Variants in RAB11B observed in about 807,000 individuals in gnomAD.
The protein encoded by RAB11B is RAB11B, member RAS oncogene family.
In RAB11B, 7 loss-of-function variants were observed where a neutral mutation model predicts 23.7. The observed-to-expected ratio is 0.29, with a 90% CI of 0.17 to 0.55. The LOEUF (loss-of-function observed/expected upper bound fraction) is 0.55, where lower values mean the gene tolerates loss of function less well. RAB11B is among the 20% of genes least tolerant of loss of function. RAB11B has a pLI of 0.93. For missense variants in RAB11B, 189 were observed against 320.0 expected (o/e 0.59, Z 3.12); for synonymous variants, 138 against 132.0 (o/e 1.05, Z -0.31).
intron 1 of RAB11B, among the ~76,000 whole-genome samples, chr19:8,397,791 G>A (rs532435940): frequency 1.3e-5 from 2 of 152,140 alleles, no homozygotes; most frequent in South Asian, 2.1e-4. Context: ...CTCTGGGTCA[G>A]CCAGGGCTCA....
intron 1 of RAB11B, among the ~76,000 whole-genome samples, chr19:8,399,039 G>A (rs990740578): frequency 2.0e-5 from 3 of 151,170 alleles, no homozygotes; most frequent in African/African-American, 7.3e-5. Context: ...TGCAAGCTCC[G>A]CCTCCCGGAT....
At chr19:8,402,612 G>GTTCCACCCTGCC in intron 4 of RAB11B, 47 bp downstream of exon 4, 2 of 1,406,062 alleles carry the variant, frequency 1.4e-6, no homozygotes, top group Non-Finnish European at 2.0e-6. Flanking sequence ...GCCAGGCAGG[G>GTTCCACCCTGCC]TGGAACACGG....
chr19:8,403,876 T>G lies in RAB11B; in HGVS notation c.*318T>G. On this transcript the variant is annotated 3_prime_UTR_variant, in exon 5 of 5. Coordinates refer to ENST00000328024, the MANE Select transcript of RAB11B (RefSeq NM_004218.4). ...GCGGACGGCGCCGCCTTCTCCCCTTTTCCTTGGCCGACTCTAGGGAGCGAT... is the reference window on the plus strand; with the variant it reads ...GCGGACGGCGCCGCCTTCTCCCCTTGTCCTTGGCCGACTCTAGGGAGCGAT... 1 of 267,708 alleles carries G rather than the reference T, an allele frequency of 3.7e-6. No homozygotes were observed. The highest frequency in any genetic ancestry group is 1.1e-3 in the Middle Eastern group (1 of 908). 16.6% of individuals were successfully genotyped at this position (267,708 alleles called of 1,614,324 possible). A position where few individuals can be genotyped will look rare whatever the true frequency, so the allele number is the denominator to read the frequency against.
In RAB11B at chr19:8,390,489, G is replaced by C; in HGVS notation, c.40+33G>C. On this transcript the variant is annotated intron_variant, in intron 1 of 4. Coordinates refer to ENST00000328024, the MANE Select transcript of RAB11B (RefSeq NM_004218.4). ...CGGTGGGGCACAGACGGGCGAAGTC[G>C]TGGCGGCGAGGCGGCGGGCAGACGG... 5 of 1,478,826 alleles carry C rather than the reference G, an allele frequency of 3.4e-6. No homozygotes were observed. The Middle Eastern group carries it at 5.4e-4, about 158-fold the overall frequency. 91.6% of individuals were successfully genotyped at this position (1,478,826 alleles called of 1,614,324 possible).
At chr19:8,398,348 G>T (rs556369367) in intron 1 of RAB11B, among the ~76,000 whole-genome samples, 314 of 152,342 alleles carry the variant, frequency 2.1e-3, no homozygotes, top group Non-Finnish European at 2.7e-3. Flanking sequence ...TCCTTTCTGG[G>T]CCAGGGTTTG....
At chr19:8,401,983 C>T (rs1375445525) in intron 2 of RAB11B, 103 bp from the exon 3 acceptor site, 10 of 1,252,132 alleles carry the variant, frequency 8.0e-6, no homozygotes, top group Non-Finnish European at 9.8e-6. Context: ...CTTGGCTCGG[C>T]CCTGGACGAC....
At position 8,402,213 on chromosome 19, in the gene RAB11B, G is replaced by A; in HGVS notation, c.364G>A (p.Val122Met). 6.3e-7 allele frequency: 1 copy of A among 1,581,536 alleles called. No homozygotes were observed. Among genetic ancestry groups the A allele is most frequent in the Non-Finnish European group, 8.6e-7 (1 of 1,164,068 alleles). Residue 122 changes from valine to methionine, a missense_variant, in exon 3 of 5, where the codon GTG (valine) becomes ATG (methionine). Val to Met is a conservative substitution (Grantham distance 21). Coordinates refer to ENST00000328024, the MANE Select transcript of RAB11B (RefSeq NM_004218.4). The part of the protein sequence containing the change: ...HADSNIVIML[V>M]GNKSDLRHLR... Reference sequence around the variant, plus strand: ...AGACAGCAACATCGTCATCATGCTGGTGGGCAACAAGAGTGACCTGCGCCA... The same window carrying A: ...AGACAGCAACATCGTCATCATGCTGATGGGCAACAAGAGTGACCTGCGCCA...
chr19:8,392,685 C>CTTTTTT (rs74176644), intron 1 of RAB11B, among the ~76,000 whole-genome samples: 911 of 79,528 alleles, frequency 0.011, 13 homozygotes, highest in Middle Eastern at 0.017. Flanking sequence ...TTTTTCTTTT[C>CTTTTTT]TTTTTTTTTT....
intron 1 of RAB11B, among the ~76,000 whole-genome samples, chr19:8,395,275 T>C (rs1363834649): frequency 2.0e-5 from 3 of 146,578 alleles, no homozygotes; most frequent in South Asian, 2.2e-4. Context: ...ATCTTTCTTT[T>C]TTTTTTTTTT....
chr19:8,403,910 T>G lies in RAB11B; in HGVS notation c.*352T>G. ...CGACTCTAGGGAGCGATTGCCTCCC[T>G]CCCTCCGTGACCGGGTGGCCCAGCC... On this transcript the variant is annotated 3_prime_UTR_variant, in exon 5 of 5. Coordinates refer to ENST00000328024, the MANE Select transcript of RAB11B (RefSeq NM_004218.4). 4.7e-6 allele frequency: 1 copy of G among 212,770 alleles called. No individual in the cohort carries two copies. The highest frequency in any genetic ancestry group is 9.4e-6 in the Non-Finnish European group (1 of 106,554). The allele number at this position is 212,770 out of a possible 1,614,324, so 13.2% of individuals were successfully genotyped here. A position where few individuals can be genotyped will look rare whatever the true frequency, so the allele number is the denominator to read the frequency against.
intron 1 of RAB11B, among the ~76,000 whole-genome samples, chr19:8,395,822 G>A (rs369125417): frequency 6.6e-6 from 1 of 152,176 alleles, no homozygotes; most frequent in Non-Finnish European, 1.5e-5. Flanking sequence ...CACGACTCCC[G>A]AGCCACGTGC....
chr19:8,390,944 TG>T (rs1461129654), intron 1 of RAB11B, among the ~76,000 whole-genome samples: 1 of 15,876 alleles, frequency 6.3e-5, no homozygotes, highest in Admixed American at 7.0e-4. Context: ...TGTTTGGGGG[TG>T]GGGCCCGGGA....
rs774225875 is a variant in RAB11B at position 8,402,203 on chromosome 19, C to T, written c.354C>T (p.Val118=). ...ELRDHADSNI[V]IMLVGNKSDL... ...GGGACCACGCAGACAGCAACATCGTCATCATGCTGGTGGGCAACAAGAGTG... is the reference window on the plus strand; with the variant it reads ...GGGACCACGCAGACAGCAACATCGTTATCATGCTGGTGGGCAACAAGAGTG... Residue 118 remains valine (V), a synonymous_variant, in exon 3 of 5, where the codon GTC becomes GTT. Transcript: ENST00000328024. 24 of 1,586,812 alleles carry T rather than the reference C, an allele frequency of 1.5e-5. No individual in the cohort carries two copies. Among genetic ancestry groups the T allele is most frequent in the Non-Finnish European group, 2.0e-5 (23 of 1,166,754 alleles).
At chr19:8,399,313 C>T (rs1260366819) in intron 1 of RAB11B, among the ~76,000 whole-genome samples, 1 of 152,184 alleles carries the variant, frequency 6.6e-6, no homozygotes, top group East Asian at 1.9e-4. Flanking sequence ...GTCTCGAACT[C>T]CCGACCTCAA....
chr19:8,399,785 C>A (rs1448854615), intron 1 of RAB11B, 78 bp from the exon 2 acceptor site: 2 of 1,534,562 alleles, frequency 1.3e-6, no homozygotes, highest in African/African-American at 2.7e-5. Flanking sequence ...GTGCAGCACC[C>A]AGGGAACCGG....
At chr19:8,392,961 C>T (rs1971369563) in intron 1 of RAB11B, among the ~76,000 whole-genome samples, 1 of 150,152 alleles carries the variant, frequency 6.7e-6, no homozygotes, top group Non-Finnish European at 1.5e-5. Context: ...GCTGGGATTA[C>T]AGGCATGAGC....
In RAB11B at chr19:8,404,332, C is replaced by T. The variant is rs1220498444; in HGVS notation, c.*774C>T. 1 of 152,202 alleles carries T rather than the reference C, an allele frequency of 6.6e-6. No individual in the cohort carries two copies. The highest frequency in any genetic ancestry group is 1.5e-5 in the Non-Finnish European group (1 of 68,096). The allele number at this position is 152,202 out of a possible 1,614,324, so 9.4% of individuals were successfully genotyped here. ...CACTTTGTAAGATTTACGCCAAACC[C>T]CAGCTCTCGATCTCTTCTTCTCCCT... is the stretch of plus-strand genomic sequence containing the variant. On this transcript the variant is annotated 3_prime_UTR_variant, in exon 5 of 5. Transcript: ENST00000328024.
chr19:8,402,465 G>C lies in RAB11B; in HGVS notation c.431-20G>C. 6.2e-7 allele frequency: 1 copy of C among 1,609,216 alleles called. No individual in the cohort carries two copies. Among genetic ancestry groups the C allele is most frequent in the Non-Finnish European group, 8.5e-7 (1 of 1,175,596 alleles). On this transcript the variant is annotated intron_variant, in intron 3 of 4. Transcript: ENST00000328024. ...GTCACCCTGCCTCCCCACTCACCTA[G>C]GCAGTATTCTTTGTTCCAGAAAAGA... is the stretch of plus-strand genomic sequence containing the variant.
At position 8,403,682 on chromosome 19, in the gene RAB11B, G is replaced by C. The variant is rs1378562464; in HGVS notation, c.*124G>C. 7.4e-7 allele frequency: 1 copy of C among 1,351,302 alleles called. No individual in the cohort carries two copies. The highest frequency in any genetic ancestry group is 1.5e-5 in the African/African-American group (1 of 68,464). 83.7% of individuals were successfully genotyped at this position (1,351,302 alleles called of 1,614,324 possible). A position where few individuals can be genotyped will look rare whatever the true frequency, so the allele number is the denominator to read the frequency against. On this transcript the variant is annotated 3_prime_UTR_variant, in exon 5 of 5. Transcript: ENST00000328024. ...CCAGCCCTCCCAGTGAGCTCTGCAC[G>C]GCCGGGCCGGGGCCCAGGAAGGACA...
Sources: gnomAD v4.1 joint callset for allele counts (sites outside exome capture counted in the v4.1 genomes callset) on GRCh38, gnomAD v4.1.1 for gene constraint, MANE v1.5 for transcripts, NCBI Gene and HGNC (gene_info 2026-07-23, HGNC 2026-07-21) for gene names.